PGBD5: variants seen among roughly 807,000 people sequenced by gnomAD.
The protein encoded by PGBD5 is piggyBac transposable element derived 5.
PGBD5 carries 14 observed loss-of-function variants against 47.9 expected under a neutral mutation model. The ratio of observed to expected loss-of-function variants is 0.29; its 90% CI spans 0.19 to 0.46. The LOEUF (loss-of-function observed/expected upper bound fraction) is 0.46. Among genes scored for constraint, PGBD5 ranks in the 20% least tolerant of loss-of-function variants. PGBD5 has a pLI of 1.00. For missense variants in PGBD5, 635 were observed against 716.0 expected, an observed-to-expected ratio of 0.89 and a Z score of 1.29; for synonymous variants, 316 against 306.3, an observed-to-expected ratio of 1.03 and a Z score of -0.33.
chr1:230,337,067 G>C, intron 4 of PGBD5, 41 bp downstream of exon 4: 1 of 1,592,864 alleles, frequency 6.3e-7, no homozygotes, highest in Non-Finnish European at 8.6e-7. Context: ...TTTCCCAGGG[G>C]AGGCTGGGCC....
rs909582046 is a variant in PGBD5 at position 230,318,978 on chromosome 1, T to G, written c.*4447A>C. On this transcript the variant is annotated 3_prime_UTR_variant, in exon 7 of 7. Coordinates refer to ENST00000391860, the MANE Select transcript of PGBD5 (RefSeq NM_001258311.2). ...GATGTCCCGGATCTCATAATGATTG[T>G]TTTCAGTATTCGGATCAGCAGAGAG... 2.0e-5 allele frequency: 3 copies of G among 152,160 alleles called. No homozygotes were observed. The highest frequency in any genetic ancestry group is 7.2e-5 in the African/African-American group (3 of 41,410). 9.4% of individuals were successfully genotyped at this position (152,160 alleles called of 1,614,324 possible). A position where few individuals can be genotyped will look rare whatever the true frequency, so the allele number is the denominator to read the frequency against.
intron 1 of PGBD5, among the ~76,000 whole-genome samples, chr1:230,369,306 C>T (rs1044946244): frequency 7.2e-5 from 11 of 152,220 alleles, no homozygotes; most frequent in African/African-American, 2.2e-4. Flanking sequence ...AAGACATCAA[C>T]GAAATCCACG....
intron 1 of PGBD5, among the ~76,000 whole-genome samples, chr1:230,392,658 A>G (rs1009298568): frequency 6.6e-6 from 1 of 151,996 alleles, no homozygotes; most frequent in Non-Finnish European, 1.5e-5. Context: ...AGGACTTCCC[A>G]CCACCAAAAC....
At chr1:230,334,604 G>A in intron 4 of PGBD5, among the ~76,000 whole-genome samples, 1 of 122,100 alleles carries the variant, frequency 8.2e-6, no homozygotes, top group East Asian at 2.5e-4. Flanking sequence ...ATCCCCCAGG[G>A]TGGGGGGACA....
At chr1:230,350,002 T>C (rs1035091529) in intron 3 of PGBD5, among the ~76,000 whole-genome samples, 1 of 152,230 alleles carries the variant, frequency 6.6e-6, no homozygotes, top group African/African-American at 2.4e-5. Flanking sequence ...CTTTCCCCAC[T>C]GTGGTTCTGG....
chr1:230,321,229 C>A lies in PGBD5; in HGVS notation c.*2196G>T, dbSNP rs1187723599. 3.9e-5 allele frequency: 6 copies of A among 152,306 alleles called. No homozygotes were observed. Among genetic ancestry groups the A allele is most frequent in the African/African-American group, 1.4e-4 (6 of 41,572 alleles). 9.4% of individuals were successfully genotyped at this position (152,306 alleles called of 1,614,324 possible). On this transcript the variant is annotated 3_prime_UTR_variant, in exon 7 of 7. Transcript: ENST00000391860. Reference sequence around the variant, plus strand: ...CTATTAGCCAAACTCAAAAACATTTCTTTTTTAAACTGCTCAGTGGTTTGA... The same window carrying A: ...CTATTAGCCAAACTCAAAAACATTTATTTTTTAAACTGCTCAGTGGTTTGA...
At chr1:230,335,744 A>AACATACAGATGCACACGCACACAT (rs1667305347) in intron 4 of PGBD5, among the ~76,000 whole-genome samples, 1 of 20,798 alleles carries the variant, frequency 4.8e-5, no homozygotes, top group Non-Finnish European at 9.4e-5. Flanking sequence ...GACTTACACA[A>AACATACAGATGCACACGCACACAT]AGACACACAC....
At chr1:230,417,725 A>C (rs541138120) in intron 1 of PGBD5, among the ~76,000 whole-genome samples, 2 of 152,278 alleles carry the variant, frequency 1.3e-5, no homozygotes, top group South Asian at 4.2e-4. Context: ...TCCCATAGAA[A>C]TCCATGTTTT....
Position 230,337,203 on chromosome 1 carries a change from C to G in PGBD5, c.980G>C (p.Arg327Thr). Reference sequence around the variant, plus strand: ...GCCTGCCGCGTTCCGGCACAGGCTCCTGGCCACCATGCTGTGGAGCTGGGG... The same window carrying G: ...GCCTGCCGCGTTCCGGCACAGGCTCGTGGCCACCATGCTGTGGAGCTGGGG... Reference protein sequence around the residue: ...NKPQLHSMVARSLCRNAAGKN... With the variant: ...NKPQLHSMVATSLCRNAAGKN... The change falls in exon 4 of 7, where the codon AGG becomes ACG. Residue 327 changes from arginine (R) to threonine (T), a missense_variant. Coordinates refer to ENST00000391860, the MANE Select transcript of PGBD5 (RefSeq NM_001258311.2). 6.2e-7 allele frequency: 1 copy of G among 1,614,210 alleles called. No individual in the cohort carries two copies. The highest frequency in any genetic ancestry group is 8.5e-7 in the Non-Finnish European group (1 of 1,180,042).
intron 1 of PGBD5, among the ~76,000 whole-genome samples, chr1:230,359,629 G>T (rs113157931): frequency 2.6e-5 from 4 of 152,236 alleles, no homozygotes; most frequent in African/African-American, 9.6e-5. Context: ...TTGTAAAAAT[G>T]GACACAGGAA....
intron 4 of PGBD5, 102 bp downstream of exon 4, chr1:230,337,006 T>G: frequency 7.6e-7 from 1 of 1,314,262 alleles, no homozygotes; most frequent in Non-Finnish European, 1.1e-6. Flanking sequence ...CATCCTGTGG[T>G]TTGTGGTGGC....
intron 2 of PGBD5, among the ~76,000 whole-genome samples, chr1:230,351,647 G>T (rs952630423): frequency 2.6e-5 from 4 of 152,058 alleles, no homozygotes; most frequent in Non-Finnish European, 5.9e-5. Context: ...GACAGCCCTC[G>T]TGTCAGCCCA....
intron 1 of PGBD5, chr1:230,362,222 A>C: frequency 7.5e-7 from 1 of 1,342,222 alleles, no homozygotes; most frequent in Non-Finnish European, 9.9e-7. Flanking sequence ...GCTGTTCCCC[A>C]AATCAGGTGA....
intron 1 of PGBD5, among the ~76,000 whole-genome samples, chr1:230,378,696 C>T (rs114771414): frequency 0.012 from 1,787 of 152,254 alleles, 33 homozygotes; most frequent in African/African-American, 0.04. Flanking sequence ...GCAGTACAGC[C>T]CTGAGCATGG....
chr1:230,337,863 T>G (rs1337671034), intron 3 of PGBD5, among the ~76,000 whole-genome samples: 2 of 152,146 alleles, frequency 1.3e-5, no homozygotes, highest in East Asian at 3.9e-4. Flanking sequence ...TCAGCAATTT[T>G]TAAACGTCGT....
intron 5 of PGBD5, 41 bp downstream of exon 5, chr1:230,332,803 C>G: frequency 6.2e-7 from 1 of 1,610,486 alleles, no homozygotes; most frequent in South Asian, 1.1e-5. Flanking sequence ...CTCAACCAAT[C>G]CCCGCGCGCC....
intron 1 of PGBD5, among the ~76,000 whole-genome samples, chr1:230,393,845 T>A (rs11586964): frequency 0.37 from 48,954 of 134,098 alleles, 9,839 homozygotes; most frequent in South Asian, 0.53. Flanking sequence ...AAAAAAAAAA[T>A]AATAGGCCCG....
intron 1 of PGBD5, among the ~76,000 whole-genome samples, chr1:230,384,520 C>A (rs1242657705): frequency 6.6e-6 from 1 of 152,206 alleles, no homozygotes; most frequent in Non-Finnish European, 1.5e-5. Flanking sequence ...GCTGAGCACC[C>A]ACCGAGCACT....
At chr1:230,367,937 A>T (rs772851710) in intron 1 of PGBD5, 40 of 1,364,162 alleles carry the variant, frequency 2.9e-5, no homozygotes, top group Non-Finnish European at 3.7e-5. Context: ...GCTCAAGGTC[A>T]CGCAAGCTGG....
Sources: gnomAD v4.1 joint callset for allele counts (sites outside exome capture counted in the v4.1 genomes callset) on GRCh38, gnomAD v4.1.1 for gene constraint, MANE v1.5 for transcripts, NCBI Gene and HGNC (gene_info 2026-07-23, HGNC 2026-07-21) for gene names.